The following RAB15 variants were observed in gnomAD, a reference collection of about 807,000 sequenced individuals.
RAB15 encodes the protein ras-related protein Rab-15.
A neutral mutation model predicts 31.8 loss-of-function variants in RAB15; 13 were observed. The observed-to-expected ratio is 0.41, with a 90% confidence interval of 0.27 to 0.65. The LOEUF (loss-of-function observed/expected upper bound fraction) is 0.65, where lower values mean the gene tolerates loss of function less well. Ranked by LOEUF, RAB15 falls within the 30% of genes least tolerant of loss-of-function variation. RAB15 has a pLI of 0.32. For synonymous variants in RAB15, 100 were observed against 105.6 expected (o/e 0.95, Z 0.33); for missense variants, 220 against 277.3 (o/e 0.79, Z 1.47).
At chr14:64,966,716 T>A (rs1887162080) in intron 1 of RAB15, among the ~76,000 whole-genome samples, 1 of 152,158 alleles carries the variant, frequency 6.6e-6, no homozygotes, top group South Asian at 2.1e-4. Flanking sequence ...GTCATCAAAG[T>A]GTCTGAAGGT....
In RAB15 at chr14:64,953,711, T is replaced by G. The variant is rs1886392904; in HGVS notation, c.125-1140A>C. 1 of 824,234 alleles carries G rather than the reference T, an allele frequency of 1.2e-6. No homozygotes were observed. 51.1% of individuals were successfully genotyped at this position (824,234 alleles called of 1,614,324 possible). On this transcript the variant is annotated intron_variant, in intron 1 of 6. Transcript: ENST00000533601. The surrounding 1 kb of genome is among the most constrained non-coding windows in gnomAD (Gnocchi z 4.6). ...GGGAGGTTGTTTTGCTGACCATGCC[T>G]CTCCCCAACTCTAACTATACCCAGG...
chr14:64,960,119 G>T (rs1886776202), intron 1 of RAB15, among the ~76,000 whole-genome samples: 1 of 152,212 alleles, frequency 6.6e-6, no homozygotes, highest in African/African-American at 2.4e-5. Context: ...CACAACTGGA[G>T]CCCGAGGGTG....
chr14:64,948,180 G>A lies in RAB15; in HGVS notation c.*174C>T. ...GGTGGACGGGCTGGGGACAGGGGCT[G>A]CTTGAGATGACAGCAGAGCCGCTCT... On this transcript the variant is annotated 3_prime_UTR_variant, in exon 7 of 7. Coordinates refer to ENST00000533601, the MANE Select transcript of RAB15 (RefSeq NM_001308154.2). This position sits in a 1 kb window ranked among gnomAD's most constrained non-coding sequence, Gnocchi z 7.0. 1 of 636,116 alleles carries A rather than the reference G, an allele frequency of 1.6e-6. No homozygotes were observed. Among genetic ancestry groups the A allele is most frequent in the Non-Finnish European group, 2.5e-6 (1 of 398,000 alleles). 39.4% of individuals were successfully genotyped at this position (636,116 alleles called of 1,614,324 possible).
In RAB15 at chr14:64,952,015, A is replaced by C. The variant is rs1321089394; in HGVS notation, c.186-352T>G. ...ACCCCTAGTCCCTATGGGACCTCTG[A>C]AGGCAGTGCCCATACTGCTGTGGAA... On this transcript the variant is annotated intron_variant, in intron 2 of 6. Transcript: ENST00000533601. This position sits in a 1 kb window ranked among gnomAD's most constrained non-coding sequence, Gnocchi z 4.2. Among the ~76,000 whole-genome samples, 2 of 152,122 alleles carry C rather than the reference A, an allele frequency of 1.3e-5. No individual in the cohort carries two copies. The highest frequency in any genetic ancestry group is 2.9e-5 in the Non-Finnish European group (2 of 68,006).
Position 64,948,570 on chromosome 14 carries a change from G to A in RAB15, c.481-58C>T. On this transcript the variant is annotated intron_variant, in intron 6 of 6. Transcript: ENST00000533601. The surrounding 1 kb of genome is among the most constrained non-coding windows in gnomAD (Gnocchi z 7.0). ...TCTCCTCCTCTCCCCTGGCAACCCT[G>A]CAGCGGCCTGAGGGATAAGGTCCAT... 3 of 1,603,276 alleles carry A rather than the reference G, an allele frequency of 1.9e-6. No individual in the cohort carries two copies. Among genetic ancestry groups the A allele is most frequent in the Non-Finnish European group, 2.6e-6 (3 of 1,173,558 alleles).
chr14:64,951,717 G>GGGACCA lies in RAB15; in HGVS notation c.186-55_186-54insTGGTCC. 6.7e-7 allele frequency: 1 copy of GGGACCA among 1,493,286 alleles called. No individual in the cohort carries two copies. The highest frequency in any genetic ancestry group is 2.3e-5 in the East Asian group (1 of 44,344). The allele number at this position is 1,493,286 out of a possible 1,614,324, so 92.5% of individuals were successfully genotyped here. ...AGCAGGGACCATGGGAACAGACGGG[G>GGGACCA]AGGGGAAGAGCAGAGCTGTCCCCTT... On this transcript the variant is annotated intron_variant, in intron 2 of 6. Coordinates refer to ENST00000533601, the MANE Select transcript of RAB15 (RefSeq NM_001308154.2). The surrounding 1 kb of genome is among the most constrained non-coding windows in gnomAD (Gnocchi z 7.2).
Position 64,954,025 on chromosome 14 carries a change from A to G in RAB15, c.125-1454T>C, listed in dbSNP as rs1171463710. The G allele has an allele frequency of 1.0e-6, 1 of 985,328 alleles. No homozygotes were observed. The highest frequency in any genetic ancestry group is 1.2e-6 in the Non-Finnish European group (1 of 829,942). 61.0% of individuals were successfully genotyped at this position (985,328 alleles called of 1,614,324 possible). ...CCCAGCTTTCTACAAAGGCAAACAA[A>G]TTAAATTCTGTCTCTTCCTTCCCAC... is the stretch of plus-strand genomic sequence containing the variant. On this transcript the variant is annotated intron_variant, in intron 1 of 6. Coordinates refer to ENST00000533601, the MANE Select transcript of RAB15 (RefSeq NM_001308154.2). This position sits in a 1 kb window ranked among gnomAD's most constrained non-coding sequence, Gnocchi z 4.3.
rs558027454 is a variant in RAB15 at position 64,957,157 on chromosome 14, G to T, written c.125-4586C>A. 4.7e-5 allele frequency among the ~76,000 whole-genome samples: 7 copies of T among 149,770 alleles called. No homozygotes were observed. The South Asian group carries it at 1.5e-3, about 32-fold the overall frequency. The stretch of plus-strand genomic sequence containing the variant: ...TCCCTGTATTGCCTAGACTAGTCTT[G>T]AACTCCTGGGCTCCAGCGATCCTCC... On this transcript the variant is annotated intron_variant, in intron 1 of 6. Coordinates refer to ENST00000533601, the MANE Select transcript of RAB15 (RefSeq NM_001308154.2).
Position 64,953,755 on chromosome 14 carries a change from A to T in RAB15, c.125-1184T>A. 1.0e-6 allele frequency: 1 copy of T among 982,106 alleles called. No individual in the cohort carries two copies. Among genetic ancestry groups the T allele is most frequent in the Non-Finnish European group, 1.2e-6 (1 of 826,940 alleles). 60.8% of individuals were successfully genotyped at this position (982,106 alleles called of 1,614,324 possible). Reference sequence around the variant, plus strand: ...ACCCAGGCACTATGCCCAGGGATTCAAGAGCTACGTCTGGTGGGTTAATTA... The same window carrying T: ...ACCCAGGCACTATGCCCAGGGATTCTAGAGCTACGTCTGGTGGGTTAATTA... On this transcript the variant is annotated intron_variant, in intron 1 of 6. Coordinates refer to ENST00000533601, the MANE Select transcript of RAB15 (RefSeq NM_001308154.2). This position sits in a 1 kb window ranked among gnomAD's most constrained non-coding sequence, Gnocchi z 4.6.
rs987227478 is a variant in RAB15 at position 64,971,355 on chromosome 14, G to T, written c.124+598C>A. On this transcript the variant is annotated intron_variant, in intron 1 of 6. Transcript: ENST00000533601. This position sits in a 1 kb window ranked among gnomAD's most constrained non-coding sequence, Gnocchi z 4.1. ...ATCCTCTTTAGCCTCCCTCAGAACAGATGTCTCCTCTTCCCAGGCGCAGGG... is the reference window on the plus strand; with the variant it reads ...ATCCTCTTTAGCCTCCCTCAGAACATATGTCTCCTCTTCCCAGGCGCAGGG... Among the ~76,000 whole-genome samples the T allele has an allele frequency of 2.0e-5, 3 of 152,160 alleles. No individual in the cohort carries two copies. Among genetic ancestry groups the T allele is most frequent in the Non-Finnish European group, 4.4e-5 (3 of 68,018 alleles).
Position 64,948,578 on chromosome 14 carries a change from C to T in RAB15, c.481-66G>A, listed in dbSNP as rs1886051079. Reference sequence around the variant, plus strand: ...TCTCCCCTGGCAACCCTGCAGCGGCCTGAGGGATAAGGTCCATCTTATGGC... The same window carrying T: ...TCTCCCCTGGCAACCCTGCAGCGGCTTGAGGGATAAGGTCCATCTTATGGC... On this transcript the variant is annotated intron_variant, in intron 6 of 6. Transcript: ENST00000533601. This position sits in a 1 kb window ranked among gnomAD's most constrained non-coding sequence, Gnocchi z 7.0. The T allele has an allele frequency of 7.5e-6, 12 of 1,605,906 alleles. No homozygotes were observed. The highest frequency in any genetic ancestry group is 1.7e-4 in the Middle Eastern group (1 of 6,016).
intron 1 of RAB15, among the ~76,000 whole-genome samples, chr14:64,969,726 C>T (rs1887327336): frequency 6.6e-6 from 1 of 152,176 alleles, no homozygotes; most frequent in African/African-American, 2.4e-5. Context: ...CAGAGACACC[C>T]CTACTCAGTT....
intron 1 of RAB15, chr14:64,957,879 CG>C (rs1405420561): frequency 3.4e-5 from 5 of 147,210 alleles, no homozygotes. Context: ...CTGGCATACC[CG>C]ATGCCTTTTC....
At chr14:64,959,785 ATC>A (rs1359475316) in intron 1 of RAB15, among the ~76,000 whole-genome samples, 2 of 144,500 alleles carry the variant, frequency 1.4e-5, no homozygotes, top group Non-Finnish European at 3.0e-5. Context: ...AGGCAGGAGG[ATC>A]ACTTGAGTCT....
In RAB15 at chr14:64,946,263, A is replaced by T. The variant is rs957154188; in HGVS notation, c.*2091T>A. 6.6e-6 allele frequency: 1 copy of T among 152,256 alleles called. No homozygotes were observed. The highest frequency in any genetic ancestry group is 1.5e-5 in the Non-Finnish European group (1 of 68,064). 9.4% of individuals were successfully genotyped at this position (152,256 alleles called of 1,614,324 possible). On this transcript the variant is annotated 3_prime_UTR_variant, in exon 7 of 7. Transcript: ENST00000533601. Reference sequence around the variant, plus strand: ...CCTGAGGGGGCTAGGAGAGAAAGACAATGAATGGCACCCTGCCTGATCTTC... The same window carrying T: ...CCTGAGGGGGCTAGGAGAGAAAGACTATGAATGGCACCCTGCCTGATCTTC...
At chr14:64,965,174 T>TC (rs1280175798) in intron 1 of RAB15, among the ~76,000 whole-genome samples, 2 of 151,718 alleles carry the variant, frequency 1.3e-5, no homozygotes, top group African/African-American at 2.4e-5. Flanking sequence ...AGAGATGGGG[T>TC]CGGCCAGCCA....
rs780239820 is a variant in RAB15, at chr14:64,971,978, G to A, written c.99C>T (p.Phe33=). 49 of 1,596,182 alleles carry A rather than the reference G, an allele frequency of 3.1e-5. No homozygotes were observed. The highest frequency in any genetic ancestry group is 3.8e-5 in the Non-Finnish European group (45 of 1,171,776). ...CLLCRFTDNE[F]HSSHISTIGV... is the part of the protein sequence containing the mutation. ...CGATGGTGGAGATGTGCGAGGAGTG[G>A]AACTCGTTGTCGGTGAAGCGGCACA... Residue 33 remains phenylalanine (F), a synonymous_variant, in exon 1 of 7, where the codon TTC becomes TTT. Coordinates refer to ENST00000533601, the MANE Select transcript of RAB15 (RefSeq NM_001308154.2). The surrounding 1 kb of genome is among the most constrained non-coding windows in gnomAD (Gnocchi z 4.1).
chr14:64,950,592 C>T lies in RAB15; in HGVS notation c.325-178G>A, dbSNP rs765791820. On this transcript the variant is annotated intron_variant, in intron 4 of 6. Transcript: ENST00000533601. This position sits in a 1 kb window ranked among gnomAD's most constrained non-coding sequence, Gnocchi z 5.6. Reference sequence around the variant, plus strand: ...GCCATGGCTGACCTCAAGGGTATCACGGGGAGAGCTTAGGGTAGAAGACAC... The same window carrying T: ...GCCATGGCTGACCTCAAGGGTATCATGGGGAGAGCTTAGGGTAGAAGACAC... 404 of 652,622 alleles carry T rather than the reference C, an allele frequency of 6.2e-4. 3 individuals are homozygous for T. Among genetic ancestry groups the T allele is most frequent in the Middle Eastern group, 4.2e-4 (1 of 2,404 alleles). 40.4% of individuals were successfully genotyped at this position (652,622 alleles called of 1,614,324 possible).
intron 1 of RAB15, among the ~76,000 whole-genome samples, chr14:64,956,102 T>C (rs985313678): frequency 6.6e-6 from 1 of 152,098 alleles, no homozygotes; most frequent in Non-Finnish European, 1.5e-5. Context: ...ACCTGGGACT[T>C]GTTAGAAATG....
Sources: gnomAD v4.1 joint callset for allele counts (sites outside exome capture counted in the v4.1 genomes callset) on GRCh38, gnomAD v4.1.1 for gene constraint, Gnocchi (gnomAD v3.1) non-coding constraint, MANE v1.5 for transcripts, NCBI Gene and HGNC (gene_info 2026-07-23, HGNC 2026-07-21) for gene names.